FBP1: variants seen among roughly 807,000 people sequenced by gnomAD.
FBP1 encodes fructose-1,6-bisphosphatase 1.
A neutral mutation model predicts 29.9 loss-of-function variants in FBP1; 22 were observed. The observed-to-expected ratio is 0.74, with a 90% confidence interval of 0.53 to 1.05. The LOEUF (loss-of-function observed/expected upper bound fraction) is 1.05. Among genes scored for constraint, FBP1 ranks in the 50% least tolerant of loss-of-function variants. FBP1 has a pLI of 0.00. For missense variants in FBP1, 345 were observed against 448.2 expected, an observed-to-expected ratio of 0.77 and a Z score of 2.08; for synonymous variants, 175 against 178.6, an observed-to-expected ratio of 0.98 and a Z score of 0.16.
intron 2 of FBP1, among the ~76,000 whole-genome samples, chr9:94,619,788 C>T (rs1213933342): frequency 6.1e-5 from 9 of 148,238 alleles, no homozygotes; most frequent in Non-Finnish European, 1.0e-4. Context: ...GCAGGAGAAT[C>T]GCTTGAACCC....
At chr9:94,633,171 C>T (rs887037158) in intron 1 of FBP1, among the ~76,000 whole-genome samples, 4 of 152,156 alleles carry the variant, frequency 2.6e-5, no homozygotes, top group Admixed American at 1.3e-4. Context: ...CTAGGACCAG[C>T]GATTTCAGAA....
intron 4 of FBP1, 49 bp downstream of exon 4, chr9:94,609,872 T>G: frequency 6.2e-7 from 1 of 1,606,890 alleles, no homozygotes; most frequent in South Asian, 1.1e-5. Context: ...TATCATTCAT[T>G]TGCTCACAGA....
chr9:94,606,881 G>A lies in FBP1; in HGVS notation c.639C>T (p.Asn213=), dbSNP rs762007074. Reference sequence around the variant, plus strand: ...GGTCAAAGTCCCTGGCGTAGCCCTCGTTAAGGCTGTAGATTTTACCTTTCT... The same window carrying A: ...GGTCAAAGTCCCTGGCGTAGCCCTCATTAAGGCTGTAGATTTTACCTTTCT... ...IKKKGKIYSL[N]EGYARDFDPA... The change falls in exon 5 of 7, where the codon AAC becomes AAT. Residue 213 remains asparagine, a synonymous_variant. Coordinates refer to ENST00000375326, the MANE Select transcript of FBP1 (RefSeq NM_000507.4). 30 of 1,613,798 alleles carry A rather than the reference G, an allele frequency of 1.9e-5. No individual in the cohort carries two copies. The highest frequency in any genetic ancestry group is 1.6e-4 in the Middle Eastern group (1 of 6,080).
chr9:94,610,839 T>A (rs908821501), intron 3 of FBP1, among the ~76,000 whole-genome samples: 1 of 151,552 alleles, frequency 6.6e-6, no homozygotes, highest in Admixed American at 6.6e-5. Context: ...TCCTAACCAC[T>A]GATTTCTTAC....
chr9:94,607,023 G>A, intron 4 of FBP1, 71 bp from the exon 5 acceptor site: 3 of 1,602,788 alleles, frequency 1.9e-6, no homozygotes, highest in South Asian at 1.1e-5. Flanking sequence ...GATGAGGCGA[G>A]CGATGGGCTG....
chr9:94,609,802 C>A (rs955284381), intron 4 of FBP1, 119 bp downstream of exon 4: 2 of 1,125,040 alleles, frequency 1.8e-6, no homozygotes, highest in Non-Finnish European at 2.7e-6. Context: ...ACATCATCAT[C>A]TCTGTCCCTC....
At chr9:94,614,245 A>G (rs913242120) in intron 3 of FBP1, among the ~76,000 whole-genome samples, 1 of 147,656 alleles carries the variant, frequency 6.8e-6, no homozygotes, top group Admixed American at 6.7e-5. Context: ...AAGAGAAAGA[A>G]TAGTAGTAGT....
chr9:94,634,961 C>G (rs752976519), intron 1 of FBP1, among the ~76,000 whole-genome samples: 53 of 151,940 alleles, frequency 3.5e-4, no homozygotes, highest in Non-Finnish European at 5.4e-4. Flanking sequence ...TGGTAGTGTA[C>G]GCCTGTAATC....
chr9:94,624,619 C>T (rs1334360015), intron 1 of FBP1, among the ~76,000 whole-genome samples: 1 of 152,112 alleles, frequency 6.6e-6, no homozygotes, highest in African/African-American at 2.4e-5. Flanking sequence ...CACCATTGCA[C>T]TCCAGCCTGG....
intron 3 of FBP1, among the ~76,000 whole-genome samples, chr9:94,616,721 C>T (rs1412472316): frequency 8.5e-5 from 13 of 152,180 alleles, no homozygotes; most frequent in African/African-American, 9.6e-5. Context: ...CGTGAGCCAC[C>T]GCATCCGGCC....
chr9:94,622,360 G>C (rs758350043), intron 1 of FBP1, among the ~76,000 whole-genome samples: 120 of 152,380 alleles, frequency 7.9e-4, no homozygotes, highest in Non-Finnish European at 3.4e-4. Flanking sequence ...CTGAAAGTGG[G>C]TGGTAAGGGC....
rs28369683 is a variant in FBP1 at position 94,623,369 on chromosome 9, G to C, written c.171-2878C>G. Among the ~76,000 whole-genome samples, 150 of 152,330 alleles carry C rather than the reference G, an allele frequency of 9.8e-4. 1 individual carries two copies. Among genetic ancestry groups the C allele is most frequent in the Admixed American group, 1.8e-3 (27 of 15,302 alleles). On this transcript the variant is annotated intron_variant, in intron 1 of 6. Coordinates refer to ENST00000375326, the MANE Select transcript of FBP1 (RefSeq NM_000507.4). ...GCTTCAAGGCAGAGACCAGGTCCAGGCCTCAGCTCCCAGGCTCCCCTGCTC... is the reference window on the plus strand; with the variant it reads ...GCTTCAAGGCAGAGACCAGGTCCAGCCCTCAGCTCCCAGGCTCCCCTGCTC...
rs1219082220 is a variant in FBP1, at chr9:94,639,187, C to G, written c.124G>C (p.Val42Leu). The G allele has an allele frequency of 6.2e-7, 1 of 1,605,682 alleles. No homozygotes were observed. Among genetic ancestry groups the G allele is most frequent in the Non-Finnish European group, 8.5e-7 (1 of 1,176,440 alleles). ...TQLLNSLCTA[V>L]KAISSAVRKA... is the part of the protein sequence containing the mutation. ...CGCACCGCCGAAGAGATGGCTTTGA[C>G]TGCTGTGCAGAGCGAGTTGAGCAGC... The change falls in exon 1 of 7, where the codon GTC (valine) becomes CTC (leucine). Residue 42 changes from valine (V) to leucine (L), a missense_variant. Physicochemically the swap from Val to Leu is conservative, Grantham distance 32. Transcript: ENST00000375326.
intron 3 of FBP1, among the ~76,000 whole-genome samples, chr9:94,616,508 T>G (rs1005767355): frequency 2.8e-5 from 4 of 142,016 alleles, no homozygotes; most frequent in Non-Finnish European, 6.1e-5. Flanking sequence ...TGGTGTGATC[T>G]CGGCTCACTG....
In FBP1 at chr9:94,603,282, C is replaced by G; in HGVS notation, c.*99G>C. Reference sequence around the variant, plus strand: ...GAAATAGTCATGCTTTTTATTTCTGCTCTCTAGGAATGTAAGGTGCACAGC... The same window carrying G: ...GAAATAGTCATGCTTTTTATTTCTGGTCTCTAGGAATGTAAGGTGCACAGC... On this transcript the variant is annotated 3_prime_UTR_variant, in exon 7 of 7. Transcript: ENST00000375326. The G allele has an allele frequency of 2.1e-6, 2 of 959,946 alleles. No homozygotes were observed. The highest frequency in any genetic ancestry group is 2.0e-5 in the Admixed American group (1 of 50,348). 59.5% of individuals were successfully genotyped at this position (959,946 alleles called of 1,614,324 possible).
At position 94,612,549 on chromosome 9, in the gene FBP1, ATTTTTT is replaced by A. The variant is rs561246840; in HGVS notation, c.427-2494_427-2489del. Among the ~76,000 whole-genome samples the A allele has an allele frequency of 1.8e-3, 194 of 108,032 alleles. 3 individuals are homozygous for A. Among genetic ancestry groups the A allele is most frequent in the African/African-American group, 5.7e-3 (166 of 29,048 alleles). The allele number at this position is 108,032 out of a possible 152,430, so 70.9% of individuals were successfully genotyped here. ...GAATTCTTTTCTAGCCCAGCCCCCA[ATTTTTT>A]TTTTTTTTTTTTTTTTTTTGGAGAC... On this transcript the variant is annotated intron_variant, in intron 3 of 6. Transcript: ENST00000375326.
chr9:94,607,062 C>T (rs996005612), intron 4 of FBP1, 110 bp from the exon 5 acceptor site: 21 of 1,437,366 alleles, frequency 1.5e-5, no homozygotes, highest in African/African-American at 2.8e-5. Context: ...TCGCGGCGCA[C>T]GGGCACCACT....
chr9:94,608,781 G>A (rs1827738510), intron 4 of FBP1, among the ~76,000 whole-genome samples: 1 of 152,150 alleles, frequency 6.6e-6, no homozygotes, highest in Admixed American at 6.5e-5. Context: ...CACAGACCCG[G>A]CCTCACCTCC....
chr9:94,613,922 AC>A (rs1441219280), intron 3 of FBP1, among the ~76,000 whole-genome samples: 2 of 150,714 alleles, frequency 1.3e-5, no homozygotes, highest in East Asian at 4.0e-4. Flanking sequence ...TACTAAAAAT[AC>A]AAAAAAAATT....
Sources: gnomAD v4.1 joint callset for allele counts (sites outside exome capture counted in the v4.1 genomes callset) on GRCh38, gnomAD v4.1.1 for gene constraint, MANE v1.5 for transcripts, NCBI Gene and HGNC (gene_info 2026-07-23, HGNC 2026-07-21) for gene names.